Variants in CADPS2 observed in about 807,000 individuals in gnomAD.
CADPS2 encodes the protein calcium-dependent secretion activator 2.
In CADPS2, 93 loss-of-function variants were observed where a neutral mutation model predicts 172.5. The observed-to-expected ratio is 0.54, with a 90% CI of 0.46 to 0.64. The LOEUF (loss-of-function observed/expected upper bound fraction) is 0.64. Ranked by LOEUF, CADPS2 falls within the 30% of genes least tolerant of loss-of-function variation. CADPS2 has a pLI of 0.00. For missense variants in CADPS2, 1,420 were observed against 1,565.9 expected (o/e 0.91, Z 1.57); for synonymous variants, 546 against 555.2 (o/e 0.98, Z 0.23).
rs180711462 is a variant in CADPS2 at position 122,681,299 on chromosome 7, G to A, written c.454-17730C>T. On this transcript the variant is annotated intron_variant, in intron 2 of 29. Coordinates refer to ENST00000449022, the MANE Select transcript of CADPS2 (RefSeq NM_017954.11). Reference sequence around the variant, plus strand: ...ATAATAATAAAAGAAAGAGCTCTCCGGTCCGTGCCTCCAAGATGACAAAGA... The same window carrying A: ...ATAATAATAAAAGAAAGAGCTCTCCAGTCCGTGCCTCCAAGATGACAAAGA... The A allele has an allele frequency of 4.9e-4, 496 of 1,003,910 alleles. 5 individuals carry two copies. The East Asian group carries it at 9.0e-3, about 18-fold the overall frequency. The allele number at this position is 1,003,910 out of a possible 1,614,324, so 62.2% of individuals were successfully genotyped here.
intron 6 of CADPS2, among the ~76,000 whole-genome samples, chr7:122,598,943 G>A (rs1314450426): frequency 6.6e-6 from 1 of 152,014 alleles, no homozygotes; most frequent in Non-Finnish European, 1.5e-5. Flanking sequence ...GAACATATAG[G>A]GTATTACTGA....
intron 8 of CADPS2, among the ~76,000 whole-genome samples, chr7:122,520,036 C>T (rs994794113): frequency 2.6e-5 from 4 of 151,886 alleles, no homozygotes; most frequent in African/African-American, 9.7e-5. Flanking sequence ...AAAGAGTCAA[C>T]TATTAATAAG....
At chr7:122,673,009 T>A (rs2082019828) in intron 2 of CADPS2, among the ~76,000 whole-genome samples, 1 of 152,118 alleles carries the variant, frequency 6.6e-6, no homozygotes, top group South Asian at 2.1e-4. Context: ...ACTTCAGGAG[T>A]GAAGCTGCAG....
At chr7:122,874,662 T>C (rs879694715) in intron 1 of CADPS2, among the ~76,000 whole-genome samples, 3 of 152,164 alleles carry the variant, frequency 2.0e-5, no homozygotes, top group Non-Finnish European at 2.9e-5. Context: ...CAAAACAGCA[T>C]GGTACTGGTA....
rs1311218215 is a variant in CADPS2, at chr7:122,360,790, G to C, written c.3502C>G (p.Pro1168Ala). 1.3e-6 allele frequency: 2 copies of C among 1,555,052 alleles called. No individual in the cohort carries two copies. Among genetic ancestry groups the C allele is most frequent in the Non-Finnish European group, 1.7e-6 (2 of 1,150,300 alleles). Residue 1168 changes from proline (P) to alanine (A), a missense_variant and splice_region_variant, in exon 27 of 30, where the codon CCA becomes GCA. Transcript: ENST00000449022. Reference sequence around the variant, plus strand: ...AAAAGCAGATAAAAAATACTTACTGGAACATCAACATATTTTGCAGCTGCT... The same window carrying C: ...AAAAGCAGATAAAAAATACTTACTGCAACATCAACATATTTTGCAGCTGCT... ...VKAAAKYVDV[P>A]KPGMDLADTY...
intron 27 of CADPS2, among the ~76,000 whole-genome samples, chr7:122,353,232 G>A (rs1207347691): frequency 2.0e-5 from 3 of 152,112 alleles, no homozygotes; most frequent in African/African-American, 4.8e-5. Flanking sequence ...GAAAATGAAC[G>A]GAGATCCTCG....
chr7:122,807,079 A>T (rs1798940871), intron 1 of CADPS2, among the ~76,000 whole-genome samples: 1 of 152,228 alleles, frequency 6.6e-6, no homozygotes, highest in Non-Finnish European at 1.5e-5. Context: ...TCCTCGTTCC[A>T]GCACATTTGT....
chr7:122,610,428 T>C, intron 6 of CADPS2, among the ~76,000 whole-genome samples: 1 of 136,980 alleles, frequency 7.3e-6, no homozygotes, highest in African/African-American at 2.6e-5. Flanking sequence ...GAAACTACGA[T>C]AAGCAAAAAA....
chr7:122,496,859 A>G (rs1330329832), intron 9 of CADPS2, among the ~76,000 whole-genome samples: 1 of 152,156 alleles, frequency 6.6e-6, no homozygotes, highest in East Asian at 1.9e-4. Flanking sequence ...CTAATTGTCA[A>G]ATATTCTATA....
chr7:122,496,079 T>TCGAGAA (rs1368235029), intron 9 of CADPS2, among the ~76,000 whole-genome samples: 1 of 152,186 alleles, frequency 6.6e-6, no homozygotes, highest in African/African-American at 2.4e-5. Context: ...GTTATTGCAT[T>TCGAGAA]TTGTTAATCC....
chr7:122,386,269 C>T (rs2043657861), intron 24 of CADPS2: 8 of 1,394,122 alleles, frequency 5.7e-6, no homozygotes, highest in Middle Eastern at 4.0e-4. Flanking sequence ...ATGAAATGTG[C>T]TTTTAGAAAA....
In CADPS2 at chr7:122,659,813, C is replaced by A. The variant is rs138250356; in HGVS notation, c.786+3424G>T. ...TAAAGGATAAGAACTACATTAAACT[C>A]ATCAGAAATCATGCAAACAAAAAGA... On this transcript the variant is annotated intron_variant, in intron 3 of 29. Coordinates refer to ENST00000449022, the MANE Select transcript of CADPS2 (RefSeq NM_017954.11). 5.3e-5 allele frequency among the ~76,000 whole-genome samples: 8 copies of A among 152,114 alleles called. No homozygotes were observed. The East Asian group carries it at 1.4e-3, about 26-fold the overall frequency.
At chr7:122,808,036 T>C (rs549811822) in intron 1 of CADPS2, among the ~76,000 whole-genome samples, 9 of 152,304 alleles carry the variant, frequency 5.9e-5, no homozygotes, top group African/African-American at 2.2e-4. Flanking sequence ...TCCAACATAT[T>C]CTGAAGCCTC....
rs1404925041 is a variant in CADPS2, at chr7:122,571,539, GACCAAGGCAGAC to G, written c.1335+9628_1335+9639del. 2.6e-5 allele frequency among the ~76,000 whole-genome samples: 4 copies of G among 152,082 alleles called. No individual in the cohort carries two copies. In the East Asian group the frequency reaches 7.7e-4, roughly 29 times the overall value. On this transcript the variant is annotated intron_variant, in intron 7 of 29. Coordinates refer to ENST00000449022, the MANE Select transcript of CADPS2 (RefSeq NM_017954.11). The stretch of plus-strand genomic sequence containing the variant: ...GACTCAGGCCAACTTCTCAGAGAAT[GACCAAGGCAGAC>G]ACACCGAGCAACAACTTTCAAAGTC...
intron 1 of CADPS2, among the ~76,000 whole-genome samples, chr7:122,830,119 G>A (rs1161244455): frequency 6.6e-6 from 1 of 152,046 alleles, no homozygotes; most frequent in East Asian, 1.9e-4. Flanking sequence ...AGGTGACACG[G>A]CAAGTAACAG....
intron 7 of CADPS2, among the ~76,000 whole-genome samples, chr7:122,566,885 GGA>G (rs1182860734): frequency 6.6e-6 from 1 of 152,116 alleles, no homozygotes; most frequent in Non-Finnish European, 1.5e-5. Context: ...AACATTAATT[GGA>G]CATACACTGT....
At position 122,464,728 on chromosome 7, in the gene CADPS2, C is replaced by T. The variant is rs532337514; in HGVS notation, c.2186+6647G>A. 2.1e-3 allele frequency among the ~76,000 whole-genome samples: 313 copies of T among 152,228 alleles called. 2 individuals are homozygous for T. Among genetic ancestry groups the T allele is most frequent in the African/African-American group, 7.1e-3 (296 of 41,544 alleles). ...TTTGATAAAACACTTGACTAGTACT[C>T]CTCAAAACTGTCAAGGTCACAAAAA... On this transcript the variant is annotated intron_variant, in intron 14 of 29. Transcript: ENST00000449022.
chr7:122,603,585 C>T (rs1203161781), intron 6 of CADPS2, among the ~76,000 whole-genome samples: 1 of 151,990 alleles, frequency 6.6e-6, no homozygotes, highest in Non-Finnish European at 1.5e-5. Context: ...CAAAATAGTC[C>T]TTGAAATAGG....
chr7:122,698,765 CAT>C (rs781776136), intron 2 of CADPS2: 25 of 1,613,830 alleles, frequency 1.5e-5, no homozygotes, highest in East Asian at 6.7e-5. Context: ...TCTGACAACA[CAT>C]GATTCCCAAC....
Sources: allele counts gnomAD v4.1 joint callset (sites outside exome capture counted in the v4.1 genomes callset), GRCh38; gene constraint gnomAD v4.1.1; transcripts MANE v1.5; gene names NCBI Gene and HGNC (gene_info 2026-07-23, HGNC 2026-07-21).